The following MARCHF7 variants were observed in gnomAD, a reference collection of about 807,000 sequenced individuals.
The protein encoded by MARCHF7 is membrane associated ring-CH-type finger 7, also known as E3 ubiquitin-protein ligase MARCHF7.
MARCHF7 carries 20 observed loss-of-function variants against 76.5 expected under a neutral mutation model. The observed-to-expected ratio is 0.26, with a 90% confidence interval of 0.18 to 0.38. The LOEUF (loss-of-function observed/expected upper bound fraction) is 0.38. MARCHF7 is among the 10% of genes least tolerant of loss of function. The pLI, the probability that MARCHF7 is intolerant of heterozygous loss-of-function variation, is 1.00. For missense variants in MARCHF7, 797 were observed against 812.9 expected (o/e 0.98, Z 0.24); for synonymous variants, 295 against 293.0 (o/e 1.01, Z -0.07).
In MARCHF7 at chr2:159,729,249, A is replaced by T. The variant is rs1039516689; in HGVS notation, c.153+74A>T. The T allele has an allele frequency of 5.5e-6, 6 of 1,085,670 alleles. No homozygotes were observed. In the East Asian group the frequency reaches 1.4e-4, roughly 25 times the overall value. The allele number at this position is 1,085,670 out of a possible 1,614,324, so 67.3% of individuals were successfully genotyped here. Reference sequence around the variant, plus strand: ...TAGGGCCACTCTTTTGGGGGTATTTAAAAAATGTGTTAGCTGGATCTGAGG... The same window carrying T: ...TAGGGCCACTCTTTTGGGGGTATTTTAAAAATGTGTTAGCTGGATCTGAGG... On this transcript the variant is annotated intron_variant, in intron 4 of 11. Coordinates refer to ENST00000409175, the MANE Select transcript of MARCHF7 (RefSeq NM_001282805.2).
chr2:159,760,287 CCTT>C (rs1470572933), intron 9 of MARCHF7, among the ~76,000 whole-genome samples: 1 of 151,914 alleles, frequency 6.6e-6, no homozygotes, highest in Non-Finnish European at 1.5e-5. Context: ...AACTATGTAC[CCTT>C]CTTATAAAAT....
chr2:159,743,137 G>A lies in MARCHF7; in HGVS notation c.230G>A (p.Arg77His), dbSNP rs761378095. Reference protein sequence around the residue: ...YSESEITQGARSRSQNQQRDH... With the variant: ...YSESEITQGAHSRSQNQQRDH... ...GAATCTGAGATAACTCAGGGAGCAC[G>A]CTCAAGATCGCAGAACCAGCAACGG... Residue 77 changes from arginine (R) to histidine (H), a missense_variant, in exon 5 of 12, where the codon CGC becomes CAC. Arg to His is a conservative substitution (Grantham distance 29). Around this residue, in one of 3 missense-constraint regions of MARCHF7, gnomAD observed 643 missense variants for 631.5 expected, o/e 1.02. Transcript: ENST00000409175. 1.7e-5 allele frequency: 28 copies of A among 1,614,026 alleles called. No individual in the cohort carries two copies. In the Middle Eastern group the frequency reaches 1.3e-3, roughly 76 times the overall value.
At chr2:159,755,111 TAAA>T (rs1706129706) in intron 8 of MARCHF7, among the ~76,000 whole-genome samples, 6 of 152,112 alleles carry the variant, frequency 3.9e-5, no homozygotes, top group Non-Finnish European at 8.8e-5. Context: ...CCATAGAAAT[TAAA>T]ACCAGGAGGA....
chr2:159,740,388 A>T (rs1412485434), intron 4 of MARCHF7, among the ~76,000 whole-genome samples: 1 of 152,224 alleles, frequency 6.6e-6, no homozygotes, highest in Non-Finnish European at 1.5e-5. Flanking sequence ...ATTCTGAATT[A>T]TATCCTTTAT....
At chr2:159,715,203 C>T (rs1700895490) in intron 2 of MARCHF7, among the ~76,000 whole-genome samples, 1 of 152,178 alleles carries the variant, frequency 6.6e-6, no homozygotes, top group Non-Finnish European at 1.5e-5. Flanking sequence ...TAAAAAGAAT[C>T]GGATTTTGAG....
intron 6 of MARCHF7, among the ~76,000 whole-genome samples, chr2:159,746,183 G>A (rs1704855785): frequency 6.6e-6 from 1 of 152,114 alleles, no homozygotes; most frequent in South Asian, 2.1e-4. Context: ...TTCCTTTTAA[G>A]AACGTCTGTT....
intron 6 of MARCHF7, among the ~76,000 whole-genome samples, 171 bp downstream of exon 6, chr2:159,746,108 A>T (rs1419095364): frequency 6.6e-6 from 1 of 152,238 alleles, no homozygotes; most frequent in African/African-American, 2.4e-5. Context: ...AAAATAATTT[A>T]AAATACAGTC....
intron 5 of MARCHF7, 31 bp from the exon 6 acceptor site, chr2:159,745,739 T>C (rs754143243): frequency 8.6e-6 from 13 of 1,519,960 alleles, no homozygotes; most frequent in African/African-American, 1.4e-5. Flanking sequence ...GAAAGCTTTC[T>C]CTGAAATAAA....
In MARCHF7 at chr2:159,764,650, C is replaced by T; in HGVS notation, c.2032C>T (p.Gln678Ter). ...GTTTATTAACCTTGCAAGAACTCTT[C>T]AGGCACATATGGAAGATCTCGAAAG... ...VRFINLARTL[Q>*]AHMEDLETSE... Residue 678 changes from glutamine (Q) to a stop codon, truncating the protein, a stop_gained, in exon 11 of 12, where the codon CAG becomes TAG. Coordinates refer to ENST00000409175, the MANE Select transcript of MARCHF7 (RefSeq NM_001282805.2). LOFTEE classifies it high-confidence loss of function. 1 of 1,605,084 alleles carries T rather than the reference C, an allele frequency of 6.2e-7. No individual in the cohort carries two copies. Among genetic ancestry groups the T allele is most frequent in the Non-Finnish European group, 8.5e-7 (1 of 1,176,064 alleles).
intron 8 of MARCHF7, among the ~76,000 whole-genome samples, chr2:159,755,411 G>T (rs942578340): frequency 6.6e-6 from 1 of 152,110 alleles, no homozygotes; most frequent in Non-Finnish European, 1.5e-5. Flanking sequence ...GCAAAGAAGG[G>T]TAGAGAGCCA....
intron 4 of MARCHF7, among the ~76,000 whole-genome samples, chr2:159,739,937 A>C (rs1703932196): frequency 6.6e-6 from 1 of 152,206 alleles, no homozygotes; most frequent in Non-Finnish European, 1.5e-5. Context: ...GTCTTTGGAC[A>C]CTTCAGCATT....
rs780198146 is a variant in MARCHF7, at chr2:159,759,379, T to C, written c.1893+44T>C. On this transcript the variant is annotated intron_variant, in intron 9 of 11. Transcript: ENST00000409175. Reference sequence around the variant, plus strand: ...ATTTGGTAAGTGTCTATTCTATGCTTCAAGGACAGCTCTTGAAGAAAAGAT... The same window carrying C: ...ATTTGGTAAGTGTCTATTCTATGCTCCAAGGACAGCTCTTGAAGAAAAGAT... 10 of 953,390 alleles carry C rather than the reference T, an allele frequency of 1.0e-5. No individual in the cohort carries two copies. The African/African-American group carries it at 1.5e-4, about 14-fold the overall frequency. The allele number at this position is 953,390 out of a possible 1,614,324, so 59.1% of individuals were successfully genotyped here. A position where few individuals can be genotyped will look rare whatever the true frequency, so the allele number is the denominator to read the frequency against.
At chr2:159,735,583 A>G (rs1007959894) in intron 4 of MARCHF7, among the ~76,000 whole-genome samples, 8 of 152,160 alleles carry the variant, frequency 5.3e-5, no homozygotes, top group Admixed American at 2.6e-4. Context: ...AACAGGTACT[A>G]TGTAGTCTTT....
Position 159,752,641 on chromosome 2 carries a change from A to G in MARCHF7, c.1783+70A>G, listed in dbSNP as rs1028945034. 9.3e-6 allele frequency: 12 copies of G among 1,284,056 alleles called. No individual in the cohort carries two copies. In the South Asian group the frequency reaches 1.3e-4, roughly 14 times the overall value. The allele number at this position is 1,284,056 out of a possible 1,614,324, so 79.5% of individuals were successfully genotyped here. Reference sequence around the variant, plus strand: ...CATGTATGTATGCGTTTGGTTAACAAATTTATAGATTGTTGAATTTAGACT... The same window carrying G: ...CATGTATGTATGCGTTTGGTTAACAGATTTATAGATTGTTGAATTTAGACT... On this transcript the variant is annotated intron_variant, in intron 8 of 11. Transcript: ENST00000409175.
Position 159,769,299 on chromosome 2 carries a change from C to T in MARCHF7, c.*1957C>T, listed in dbSNP as rs1708056351. 6.6e-6 allele frequency: 1 copy of T among 152,174 alleles called. No individual in the cohort carries two copies. The highest frequency in any genetic ancestry group is 6.5e-5 in the Admixed American group (1 of 15,274). 9.4% of individuals were successfully genotyped at this position (152,174 alleles called of 1,614,324 possible). A position where few individuals can be genotyped will look rare whatever the true frequency, so the allele number is the denominator to read the frequency against. On this transcript the variant is annotated 3_prime_UTR_variant, in exon 12 of 12. Coordinates refer to ENST00000409175, the MANE Select transcript of MARCHF7 (RefSeq NM_001282805.2). ...GCCTGCCTGTGTAATCCAATTATCT[C>T]TTCACTAATGAGTAGATAAGGTGCC...
intron 8 of MARCHF7, among the ~76,000 whole-genome samples, chr2:159,753,484 G>C (rs1705913194): frequency 6.6e-6 from 1 of 151,988 alleles, no homozygotes; most frequent in African/African-American, 2.4e-5. Context: ...CCAGGAGGCG[G>C]AGCTTGCAGT....
intron 1 of MARCHF7, 75 bp downstream of exon 1, chr2:159,712,681 G>A (rs1334631408): frequency 6.6e-6 from 1 of 152,340 alleles, no homozygotes; most frequent in East Asian, 1.9e-4. Flanking sequence ...TGCGGAGCTA[G>A]TTCTTCTCCG....
At chr2:159,743,748 A>AG (rs369906030) in intron 5 of MARCHF7, among the ~76,000 whole-genome samples, 50,512 of 150,422 alleles carry the variant, frequency 0.34, 8,645 homozygotes, top group South Asian at 0.44. Flanking sequence ...AAAAAAAAAA[A>AG]AAGAGAGAAT....
Position 159,747,830 on chromosome 2 carries a change from T to C in MARCHF7, c.540T>C (p.Tyr180=), listed in dbSNP as rs564673968. 47 of 1,588,530 alleles carry C rather than the reference T, an allele frequency of 3.0e-5. No homozygotes were observed. The East Asian group carries it at 3.6e-4, about 12-fold the overall frequency. Residue 180 remains tyrosine (Y), a synonymous_variant, in exon 7 of 12, where the codon TAT becomes TAC. Coordinates refer to ENST00000409175, the MANE Select transcript of MARCHF7 (RefSeq NM_001282805.2). ...ATGTTCAAGACAGAGTTCCTTCATA[T>C]TCACAAGGAGCAAGACCAAAAGAAA... ...SSYVQDRVPS[Y]SQGARPKENS...
Sources: gnomAD v4.1 joint callset for allele counts (sites outside exome capture counted in the v4.1 genomes callset) on GRCh38, gnomAD v4.1.1 for gene constraint, gnomAD v4.1.1 regional missense constraint, MANE v1.5 for transcripts, NCBI Gene and HGNC (gene_info 2026-07-23, HGNC 2026-07-21) for gene names.